Variants in SYNRG observed in about 807,000 individuals in gnomAD.
SYNRG encodes the protein synergin gamma.
SYNRG carries 37 observed loss-of-function variants against 130.9 expected under a neutral mutation model. The ratio of observed to expected loss-of-function variants is 0.28; its 90% CI spans 0.22 to 0.37. The LOEUF is 0.37. Among genes scored for constraint, SYNRG ranks in the 10% least tolerant of loss-of-function variants. The probability of loss-of-function intolerance (pLI) is 1.00; values close to 1 mark genes in which losing one functional copy is unlikely to be tolerated. For synonymous variants in SYNRG, 539 were observed against 568.1 expected (o/e 0.95, Z 0.73); for missense variants, 1,338 against 1,588.9 (o/e 0.84, Z 2.68).
At chr17:37,565,207 T>C (rs2059837565) in intron 11 of SYNRG, among the ~76,000 whole-genome samples, 1 of 151,582 alleles carries the variant, frequency 6.6e-6, no homozygotes, top group South Asian at 2.1e-4. Context: ...GAAGTTGCAG[T>C]GAGCCGAGAT....
At chr17:37,561,994 TA>T (rs2059573076) in intron 11 of SYNRG, among the ~76,000 whole-genome samples, 1 of 151,128 alleles carries the variant, frequency 6.6e-6, no homozygotes, top group South Asian at 2.1e-4. Flanking sequence ...GTATACTCAA[TA>T]TTTTAAAATA....
intron 1 of SYNRG, among the ~76,000 whole-genome samples, chr17:37,607,972 A>AAAAAAAAAAAAAAAAAG (rs2063939288): frequency 6.9e-6 from 1 of 144,458 alleles, no homozygotes; most frequent in African/African-American, 2.5e-5. Context: ...AAAAAAAAAA[A>AAAAAAAAAAAAAAAAAG]AAAAAAAACA....
At position 37,585,423 on chromosome 17, in the gene SYNRG, A is replaced by G; in HGVS notation, c.379T>C (p.Phe127Leu). Residue 127 changes from phenylalanine (F) to leucine (L), a missense_variant, in exon 5 of 22, where the codon TTT becomes CTT. Phe to Leu is a conservative substitution (Grantham distance 22). This residue lies in a region of SYNRG where 184 missense variants were observed against 217.2 expected (regional missense o/e 0.85). Coordinates refer to ENST00000612223, the MANE Select transcript of SYNRG (RefSeq NM_007247.6). ...KQFAEEQQKRFEQQQKLLEEE... is the reference protein window; with the variant it reads ...KQFAEEQQKRLEQQQKLLEEE... ...TCTAAGAGTTTTTGCTGCTGTTCAA[A>G]TCGTTTCCTGAAGGAAAAATGATCT... 1 of 1,612,094 alleles carries G rather than the reference A, an allele frequency of 6.2e-7. No homozygotes were observed. Among genetic ancestry groups the G allele is most frequent in the Non-Finnish European group, 8.5e-7 (1 of 1,179,640 alleles).
At chr17:37,549,387 C>A (rs2058546110) in intron 14 of SYNRG, among the ~76,000 whole-genome samples, 1 of 152,062 alleles carries the variant, frequency 6.6e-6, no homozygotes, top group African/African-American at 2.4e-5. Flanking sequence ...ACGCTTGTTG[C>A]CACATTTCAT....
chr17:37,548,058 TAC>T (rs1462957052), intron 14 of SYNRG, among the ~76,000 whole-genome samples: 3 of 152,260 alleles, frequency 2.0e-5, no homozygotes, highest in African/African-American at 7.2e-5. Flanking sequence ...ATGTATGCTT[TAC>T]ACACAGTTAC....
chr17:37,582,129 C>CT (rs955165007), intron 6 of SYNRG, among the ~76,000 whole-genome samples: 14 of 151,042 alleles, frequency 9.3e-5, no homozygotes, highest in South Asian at 2.1e-4. Context: ...AATAAGCAGT[C>CT]TTTTTTTTTG....
chr17:37,539,975 T>G (rs961984904), intron 16 of SYNRG, among the ~76,000 whole-genome samples: 1 of 152,102 alleles, frequency 6.6e-6, no homozygotes, highest in Admixed American at 6.6e-5. Context: ...GGTGGGAAAT[T>G]AAGTGTGTTG....
In SYNRG at chr17:37,523,753, G is replaced by C. The variant is rs1417698639; in HGVS notation, c.3667-3105C>G. On this transcript the variant is annotated intron_variant, in intron 19 of 21. Coordinates refer to ENST00000612223, the MANE Select transcript of SYNRG (RefSeq NM_007247.6). ...CACCAGCACACAGTGGGTCAAGGTG[G>C]GGGGAGAAGGTGGATGGCTGCACTG... Among the ~76,000 whole-genome samples the C allele has an allele frequency of 2.0e-5, 3 of 152,178 alleles. No homozygotes were observed. In the East Asian group the frequency reaches 5.8e-4, roughly 29 times the overall value.
chr17:37,553,902 T>G lies in SYNRG; in HGVS notation c.1821A>C (p.Gln607His). 1 of 1,605,504 alleles carries G rather than the reference T, an allele frequency of 6.2e-7. No homozygotes were observed. Among genetic ancestry groups the G allele is most frequent in the African/African-American group, 1.3e-5 (1 of 74,286 alleles). Residue 607 changes from glutamine (Q) to histidine (H), a missense_variant, in exon 14 of 22, where the codon CAA becomes CAC. This residue lies in a region of SYNRG where 1,146 missense variants were observed against 1,342.3 expected (regional missense o/e 0.85). Coordinates refer to ENST00000612223, the MANE Select transcript of SYNRG (RefSeq NM_007247.6). ...CTGCTAAGTTCAGAGGGTTTTTCAC[T>G]TGTGTTTGTTGTTTCTGTTGTATAG... ...SGTIQQKQQTQVKNPLNLADL... is the reference protein window; with the variant it reads ...SGTIQQKQQTHVKNPLNLADL...
At chr17:37,576,234 C>T (rs2060825866) in intron 8 of SYNRG, 107 bp downstream of exon 8, 2 of 1,071,000 alleles carry the variant, frequency 1.9e-6, no homozygotes, top group Admixed American at 2.5e-5. Flanking sequence ...AAAGTGACAA[C>T]TCCTCCTGCA....
chr17:37,547,610 G>A (rs1323052121), intron 14 of SYNRG, among the ~76,000 whole-genome samples: 3 of 151,996 alleles, frequency 2.0e-5, no homozygotes, highest in African/African-American at 4.8e-5. Flanking sequence ...TTACAGGCAC[G>A]AGCCACCACA....
chr17:37,547,862 C>T (rs2058408016), intron 14 of SYNRG, among the ~76,000 whole-genome samples: 1 of 152,222 alleles, frequency 6.6e-6, no homozygotes, highest in Admixed American at 6.5e-5. Context: ...GGCACTGATA[C>T]ATGAAGTGAA....
At chr17:37,533,759 G>C (rs138840562) in intron 19 of SYNRG, among the ~76,000 whole-genome samples, 1 of 149,224 alleles carries the variant, frequency 6.7e-6, no homozygotes, top group Admixed American at 6.7e-5. Context: ...AGCTAATTTT[G>C]TATTTTTAGT....
chr17:37,530,595 A>G (rs1020621736), intron 19 of SYNRG, among the ~76,000 whole-genome samples: 3 of 152,218 alleles, frequency 2.0e-5, no homozygotes, highest in Admixed American at 2.0e-4. Context: ...ACTGCAGTAA[A>G]CACGTGCTTT....
At chr17:37,540,632 T>C in intron 15 of SYNRG, 89 bp from the exon 16 acceptor site, 2 of 487,928 alleles carry the variant, frequency 4.1e-6, no homozygotes, top group African/African-American at 4.2e-5. Flanking sequence ...ACCCTCTTCT[T>C]TTTTTTTTTT....
At chr17:37,556,097 G>A (rs1366842135) in intron 13 of SYNRG, among the ~76,000 whole-genome samples, 4 of 152,014 alleles carry the variant, frequency 2.6e-5, no homozygotes, top group East Asian at 1.9e-4. Context: ...TAATAAAAAT[G>A]TATTGAGAAC....
At chr17:37,519,179 C>T in intron 21 of SYNRG, 108 bp from the exon 22 acceptor site, 1 of 1,436,526 alleles carries the variant, frequency 7.0e-7, no homozygotes, top group Non-Finnish European at 9.5e-7. Context: ...GAGGCTGAGG[C>T]CAAAATGGCA....
chr17:37,546,191 C>T (rs2058260588), intron 14 of SYNRG, among the ~76,000 whole-genome samples: 1 of 151,968 alleles, frequency 6.6e-6, no homozygotes, highest in Non-Finnish European at 1.5e-5. Context: ...GTGGAATAAC[C>T]CACATTTTAG....
chr17:37,540,429 G>C lies in SYNRG; in HGVS notation c.3317C>G (p.Ala1106Gly). The stretch of plus-strand genomic sequence containing the variant: ...GTACTTGTCTCGGATGACGGGCAGG[G>C]CGGGCTTCTCATTCAGAGTATTGGA... ...DRSNTLNEKPALPVIRDKYKD... is the reference protein window; with the variant it reads ...DRSNTLNEKPGLPVIRDKYKD... Residue 1106 changes from alanine (A) to glycine (G), a missense_variant, in exon 16 of 22, where the codon GCC becomes GGC. Ala to Gly is a moderately conservative substitution (Grantham distance 60). Coordinates refer to ENST00000612223, the MANE Select transcript of SYNRG (RefSeq NM_007247.6). 1 of 1,613,918 alleles carries C rather than the reference G, an allele frequency of 6.2e-7. No homozygotes were observed.
Sources: allele counts gnomAD v4.1 joint callset (sites outside exome capture counted in the v4.1 genomes callset), GRCh38; gene constraint gnomAD v4.1.1; regional missense constraint gnomAD v4.1.1; transcripts MANE v1.5; gene names NCBI Gene and HGNC (gene_info 2026-07-23, HGNC 2026-07-21).